LARP1: variants seen among roughly 807,000 people sequenced by gnomAD.
LARP1 encodes the protein La ribonucleoprotein 1, translational regulator, also known as la-related protein 1.
Under a neutral mutation model 122.7 loss-of-function variants are expected in LARP1, and 36 were observed. The observed-to-expected ratio is 0.29, with a 90% confidence interval of 0.22 to 0.39. LARP1 has a LOEUF of 0.39. Among genes scored for constraint, LARP1 ranks in the 10% least tolerant of loss-of-function variants. The pLI is 1.00. For missense variants in LARP1, 1,040 were observed against 1,403.6 expected, an observed-to-expected ratio of 0.74 and a Z score of 4.14; for synonymous variants, 539 against 528.7, an observed-to-expected ratio of 1.02 and a Z score of -0.27.
intron 1 of LARP1, among the ~76,000 whole-genome samples, chr5:154,766,823 A>G (rs1047314677): frequency 2.6e-5 from 4 of 152,212 alleles, no homozygotes; most frequent in Admixed American, 2.6e-4. Flanking sequence ...TACCCAGCCC[A>G]GTTTCCTAGT....
chr5:154,808,753 T>C, intron 16 of LARP1, 150 bp downstream of exon 16: 1 of 742,076 alleles, frequency 1.3e-6, no homozygotes, highest in Admixed American at 3.2e-5. Flanking sequence ...AAATGAGCAG[T>C]ATATTCACAT....
At chr5:154,782,616 G>T (rs1756554609) in intron 1 of LARP1, among the ~76,000 whole-genome samples, 1 of 152,168 alleles carries the variant, frequency 6.6e-6, no homozygotes, top group Non-Finnish European at 1.5e-5. Context: ...CTGCATTCCT[G>T]AGCTGACTGG....
intron 1 of LARP1, among the ~76,000 whole-genome samples, chr5:154,715,882 T>G (rs1396364307): frequency 3.9e-5 from 6 of 152,184 alleles, no homozygotes. Context: ...ATTACCTTAT[T>G]TATCCTCACA....
At chr5:154,718,103 G>A (rs1036118104) in intron 1 of LARP1, among the ~76,000 whole-genome samples, 11 of 150,314 alleles carry the variant, frequency 7.3e-5, no homozygotes, top group Admixed American at 1.3e-4. Context: ...TTTTTTTTTT[G>A]TAGAAACGGG....
At chr5:154,809,776 T>C (rs1759105086) in intron 16 of LARP1, among the ~76,000 whole-genome samples, 1 of 150,418 alleles carries the variant, frequency 6.6e-6, no homozygotes, top group African/African-American at 2.4e-5. Context: ...CTTGCCTCAC[T>C]GCAACCTCCA....
chr5:154,728,485 C>T (rs375276070), intron 1 of LARP1, among the ~76,000 whole-genome samples: 3 of 152,206 alleles, frequency 2.0e-5, no homozygotes, highest in South Asian at 2.1e-4. Flanking sequence ...CTTGCGTTTT[C>T]GGTATTCACC....
intron 1 of LARP1, among the ~76,000 whole-genome samples, chr5:154,760,195 C>A (rs1038851492): frequency 4.6e-5 from 7 of 152,118 alleles, no homozygotes; most frequent in African/African-American, 1.2e-4. Context: ...GCCTTGGCCT[C>A]CCAAAGTTTT....
upstream of LARP1, among the ~76,000 whole-genome samples, chr5:154,712,549 C>T (rs927504757): frequency 1.3e-5 from 2 of 152,128 alleles, no homozygotes; most frequent in South Asian, 2.1e-4. Flanking sequence ...TAGTCTGAAC[C>T]GCACTAAGCA....
intron 1 of LARP1, among the ~76,000 whole-genome samples, chr5:154,706,254 A>C (rs1754939302): frequency 6.6e-6 from 1 of 151,886 alleles, no homozygotes; most frequent in Non-Finnish European, 1.5e-5. Context: ...AGATGGCACC[A>C]CTGCACTGCA....
chr5:154,817,143 T>G lies in LARP1; in HGVS notation c.*3047T>G, dbSNP rs1001875122. On this transcript the variant is annotated 3_prime_UTR_variant, in exon 19 of 19. Coordinates refer to ENST00000518297, the MANE Select transcript of LARP1 (RefSeq NM_033551.3). ...ATGACTAGTTACGGAGGGTGAGGGT[T>G]GTTTTTTGCCAAAAAGCCTGGGTAG... is the stretch of plus-strand genomic sequence containing the variant. 1.3e-5 allele frequency: 2 copies of G among 152,096 alleles called. No homozygotes were observed. Among genetic ancestry groups the G allele is most frequent in the Non-Finnish European group, 2.9e-5 (2 of 68,050 alleles). 9.4% of individuals were successfully genotyped at this position (152,096 alleles called of 1,614,324 possible). A position where few individuals can be genotyped will look rare whatever the true frequency, so the allele number is the denominator to read the frequency against.
intron 1 of LARP1, among the ~76,000 whole-genome samples, chr5:154,689,310 A>G (rs1754083202): frequency 6.6e-6 from 1 of 152,126 alleles, no homozygotes; most frequent in Admixed American, 6.6e-5. Flanking sequence ...AAAATTAGCC[A>G]GGCGTGGTGG....
chr5:154,718,597 T>C (rs1755658564), intron 1 of LARP1: 1 of 152,224 alleles, frequency 6.6e-6, no homozygotes, highest in Non-Finnish European at 1.5e-5. Context: ...ATTAGCATAT[T>C]GTGCTATACC....
At chr5:154,779,577 C>T (rs1329786115) in intron 1 of LARP1, among the ~76,000 whole-genome samples, 9 of 147,962 alleles carry the variant, frequency 6.1e-5, no homozygotes, top group African/African-American at 1.5e-4. Flanking sequence ...GGCGCAATCT[C>T]GGCTCACCGC....
intron 1 of LARP1, among the ~76,000 whole-genome samples, chr5:154,727,137 A>G (rs1373715824): frequency 6.6e-6 from 1 of 152,222 alleles, no homozygotes; most frequent in African/African-American, 2.4e-5. Context: ...TTGAAGTCCC[A>G]TAGAAAGAGA....
In LARP1 at chr5:154,706,325, TAATA is replaced by T. The variant is rs998726724; in HGVS notation, c.-180+23290_-180+23293del. 2.0e-5 allele frequency among the ~76,000 whole-genome samples: 3 copies of T among 148,894 alleles called. No homozygotes were observed. In the Admixed American group the frequency reaches 2.0e-4, roughly 10 times the overall value. On this transcript the variant is annotated intron_variant, in intron 1 of 18. Coordinates refer to the LARP1 transcript ENST00000687700. ...ATAATAATAATAATAATAATAATAATAATAATAATAAAATGTGGTACATATACAC... is the reference window on the plus strand; with the variant it reads ...ATAATAATAATAATAATAATAATAATATAATAAAATGTGGTACATATACAC...
intron 1 of LARP1, among the ~76,000 whole-genome samples, chr5:154,778,042 A>G (rs1377067123): frequency 6.6e-6 from 1 of 152,102 alleles, no homozygotes; most frequent in Admixed American, 6.5e-5. Context: ...CAGGCGGATC[A>G]CAAGTTCAGG....
upstream of LARP1, among the ~76,000 whole-genome samples, chr5:154,754,657 A>G (rs1753685691): frequency 6.6e-6 from 1 of 152,266 alleles, no homozygotes; most frequent in South Asian, 2.1e-4. Context: ...GGCTGCCCGC[A>G]AGGGCTAAAG....
intron 1 of LARP1, chr5:154,786,563 C>G (rs1229523912): frequency 1.5e-5 from 7 of 452,610 alleles, no homozygotes; most frequent in South Asian, 1.1e-4. Context: ...CAGTCTGGGC[C>G]TCGGAGACCT....
upstream of LARP1, among the ~76,000 whole-genome samples, chr5:154,752,300 T>C (rs1182671034): frequency 1.3e-5 from 2 of 152,128 alleles, no homozygotes; most frequent in African/African-American, 4.8e-5. Flanking sequence ...TGGAGTGCAG[T>C]GGGGTGATCT....
Sources: allele counts gnomAD v4.1 joint callset (sites outside exome capture counted in the v4.1 genomes callset), GRCh38; gene constraint gnomAD v4.1.1; transcripts MANE v1.5; gene names NCBI Gene and HGNC (gene_info 2026-07-23, HGNC 2026-07-21).